Variants in TAFA4 observed in about 807,000 individuals in gnomAD.
TAFA4 encodes the protein chemokine-like protein TAFA-4.
In TAFA4, 20 loss-of-function variants were observed where a neutral mutation model predicts 21.1. The observed-to-expected ratio is 0.95, with a 90% CI of 0.67 to 1.38. The LOEUF is 1.38. Ranked by LOEUF, TAFA4 falls within the 40% of genes most tolerant of loss-of-function variation. The probability of loss-of-function intolerance (pLI) is 0.00; values close to 1 mark genes in which losing one functional copy is unlikely to be tolerated. For synonymous variants in TAFA4, 71 were observed against 67.4 expected, an observed-to-expected ratio of 1.05 and a Z score of -0.26; for missense variants, 211 against 180.9, an observed-to-expected ratio of 1.17 and a Z score of -0.95.
chr3:68,770,758 C>G (rs976811235), intron 3 of TAFA4, among the ~76,000 whole-genome samples: 2 of 152,118 alleles, frequency 1.3e-5, no homozygotes, highest in Non-Finnish European at 2.9e-5. Flanking sequence ...CTTACTGATA[C>G]AGGAAGAGGG....
At chr3:68,810,870 C>A (rs184696618) in intron 3 of TAFA4, among the ~76,000 whole-genome samples, 128 of 152,312 alleles carry the variant, frequency 8.4e-4, no homozygotes, top group African/African-American at 2.9e-3. Context: ...GGACAGACTG[C>A]AACCTCAAGT....
chr3:68,925,094 G>T (rs565324476), intron 1 of TAFA4, among the ~76,000 whole-genome samples: 1 of 152,308 alleles, frequency 6.6e-6, no homozygotes, highest in Non-Finnish European at 1.5e-5. Context: ...AGACAAAGCA[G>T]ACAAAGAGCA....
At chr3:68,906,956 G>A (rs565449785) in intron 1 of TAFA4, among the ~76,000 whole-genome samples, 5 of 149,812 alleles carry the variant, frequency 3.3e-5, no homozygotes, top group Non-Finnish European at 5.9e-5. Flanking sequence ...ACTTGAGCCC[G>A]GGAGGTGGAG....
At chr3:68,878,066 A>G (rs1286772610) in intron 3 of TAFA4, among the ~76,000 whole-genome samples, 7 of 152,108 alleles carry the variant, frequency 4.6e-5, no homozygotes, top group South Asian at 2.1e-4. Context: ...AGACCCCCCA[A>G]CATTTGATTT....
chr3:68,778,527 T>C (rs1030148101), intron 3 of TAFA4, among the ~76,000 whole-genome samples: 1 of 152,112 alleles, frequency 6.6e-6, no homozygotes, highest in Non-Finnish European at 1.5e-5. Flanking sequence ...AGGGACCCAG[T>C]GGGAGGTAAT....
In TAFA4 at chr3:68,752,986, C is replaced by A. The variant is rs573581692; in HGVS notation, c.163G>T (p.Val55Leu). Residue 55 changes from valine to leucine, a missense_variant, in exon 4 of 6, where the codon GTG becomes TTG. Coordinates refer to ENST00000295569, the MANE Select transcript of TAFA4 (RefSeq NM_182522.5). ...HHQIKQGTCEVVAVHRCCNKN... is the reference protein window; with the variant it reads ...HHQIKQGTCELVAVHRCCNKN... The stretch of plus-strand genomic sequence containing the variant: ...TTGCAGCACCTGTGCACGGCGACCA[C>A]CTCACAGGTCCCTTGCTTGATTTGG... 4.0e-5 allele frequency: 65 copies of A among 1,613,676 alleles called. No homozygotes were observed. The highest frequency in any genetic ancestry group is 4.5e-5 in the Non-Finnish European group (53 of 1,179,964).
chr3:68,833,648 T>C (rs1489851534), intron 3 of TAFA4, among the ~76,000 whole-genome samples: 2 of 152,302 alleles, frequency 1.3e-5, no homozygotes, highest in Admixed American at 6.5e-5. Flanking sequence ...AATAGTTAAT[T>C]TGGTTGGAAG....
intron 3 of TAFA4, among the ~76,000 whole-genome samples, chr3:68,770,343 T>C (rs1471473773): frequency 6.6e-6 from 1 of 152,160 alleles, no homozygotes; most frequent in Non-Finnish European, 1.5e-5. Context: ...TCAGGACAGG[T>C]TGATGATAGC....
rs569406164 is a variant in TAFA4 at position 68,855,906 on chromosome 3, G to A, written c.130+24824C>T. 1.5e-4 allele frequency among the ~76,000 whole-genome samples: 23 copies of A among 152,208 alleles called. No homozygotes were observed. In the South Asian group the frequency reaches 2.1e-3, roughly 14 times the overall value. On this transcript the variant is annotated intron_variant, in intron 3 of 5. Coordinates refer to ENST00000295569, the MANE Select transcript of TAFA4 (RefSeq NM_182522.5). Reference sequence around the variant, plus strand: ...GACAGAAAGAGCCAAGCTCACTGCCGTGTACCTGTTTTCCTTTGCCCTTTC... The same window carrying A: ...GACAGAAAGAGCCAAGCTCACTGCCATGTACCTGTTTTCCTTTGCCCTTTC...
intron 3 of TAFA4, among the ~76,000 whole-genome samples, chr3:68,852,194 C>A (rs1553647675): frequency 6.6e-6 from 1 of 152,086 alleles, no homozygotes. Flanking sequence ...TCTGTAGGAC[C>A]AAAGTTTGGA....
At chr3:68,815,072 T>C (rs1374034549) in intron 3 of TAFA4, among the ~76,000 whole-genome samples, 38 of 152,088 alleles carry the variant, frequency 2.5e-4, no homozygotes, top group Admixed American at 2.2e-3. Flanking sequence ...GAAAGGATTC[T>C]CTATTTAATA....
At chr3:68,736,390 G>C (rs1191038847) in intron 5 of TAFA4, among the ~76,000 whole-genome samples, 2 of 152,046 alleles carry the variant, frequency 1.3e-5, no homozygotes, top group Non-Finnish European at 2.9e-5. Flanking sequence ...TTTATACCTG[G>C]AAAAGATAAC....
At chr3:68,910,129 C>A (rs1559560620) in intron 1 of TAFA4, among the ~76,000 whole-genome samples, 1 of 152,210 alleles carries the variant, frequency 6.6e-6, no homozygotes, top group East Asian at 1.9e-4. Context: ...TAGAGCTAGG[C>A]AGCTAGCAAG....
chr3:68,737,547 G>A (rs990749150), intron 5 of TAFA4, among the ~76,000 whole-genome samples: 2 of 152,154 alleles, frequency 1.3e-5, no homozygotes, highest in Admixed American at 6.6e-5. Flanking sequence ...AGAATCAACC[G>A]ACAACTATTC....
At chr3:68,736,584 TA>T (rs1702244676) in intron 5 of TAFA4, among the ~76,000 whole-genome samples, 1 of 152,146 alleles carries the variant, frequency 6.6e-6, no homozygotes, top group Non-Finnish European at 1.5e-5. Context: ...ATGAACTATT[TA>T]AAGAAAATGG....
In TAFA4 at chr3:68,800,733, G is replaced by A. The variant is rs75011984; in HGVS notation, c.131-47715C>T. On this transcript the variant is annotated intron_variant, in intron 3 of 5. Coordinates refer to ENST00000295569, the MANE Select transcript of TAFA4 (RefSeq NM_182522.5). ...CTCTTGAAGAATTTCATTAAGGCAC[G>A]TTTGAAAGCTTGTCAAAACTTAGGA... Among the ~76,000 whole-genome samples the A allele has an allele frequency of 7.2e-3, 1,102 of 152,326 alleles. 16 individuals are homozygous for A. The highest frequency in any genetic ancestry group is 0.025 in the African/African-American group (1,037 of 41,576).
intron 3 of TAFA4, among the ~76,000 whole-genome samples, chr3:68,795,381 G>C (rs1233949967): frequency 6.6e-6 from 1 of 151,870 alleles, no homozygotes; most frequent in Non-Finnish European, 1.5e-5. Flanking sequence ...GTTTACATGA[G>C]GCCCTACCTT....
At chr3:68,888,506 C>A (rs755277327) in intron 1 of TAFA4, among the ~76,000 whole-genome samples, 2 of 152,176 alleles carry the variant, frequency 1.3e-5, no homozygotes, top group Non-Finnish European at 2.9e-5. Context: ...GCTGCTTCCA[C>A]ATTTTCAAGT....
chr3:68,773,876 A>T (rs1703003088), intron 3 of TAFA4, among the ~76,000 whole-genome samples: 1 of 151,734 alleles, frequency 6.6e-6, no homozygotes, highest in African/African-American at 2.4e-5. Context: ...AAACAGCAAT[A>T]AAAAAAACTT....
Sources: allele counts gnomAD v4.1 joint callset (sites outside exome capture counted in the v4.1 genomes callset), GRCh38; gene constraint gnomAD v4.1.1; transcripts MANE v1.5; gene names NCBI Gene and HGNC (gene_info 2026-07-23, HGNC 2026-07-21).